The following DTNB variants were observed in gnomAD, a reference collection of about 807,000 sequenced individuals.
DTNB encodes DTN-B.
A neutral mutation model predicts 90.7 loss-of-function variants in DTNB; 63 were observed. That is an observed-to-expected ratio of 0.69 (90% CI 0.57 to 0.86). The LOEUF (loss-of-function observed/expected upper bound fraction) is 0.86. Ranked by LOEUF, DTNB falls within the 40% of genes least tolerant of loss-of-function variation. DTNB has a pLI of 0.00. For synonymous variants in DTNB, 277 were observed against 286.7 expected, an observed-to-expected ratio of 0.97 and a Z score of 0.34; for missense variants, 744 against 807.1, an observed-to-expected ratio of 0.92 and a Z score of 0.95.
chr2:25,539,161 C>T (rs1255693209), intron 8 of DTNB, among the ~76,000 whole-genome samples: 2 of 152,096 alleles, frequency 1.3e-5, no homozygotes, highest in African/African-American at 4.8e-5. Flanking sequence ...TGCTGACAAA[C>T]ATTTGGGGTG....
At chr2:25,399,532 T>G (rs1169522672) in intron 16 of DTNB, 1 of 151,838 alleles carries the variant, frequency 6.6e-6, no homozygotes, top group Non-Finnish European at 1.5e-5. Flanking sequence ...TTAGTAGAGA[T>G]GGAGTTTTGC....
chr2:25,453,466 G>A (rs115042761), intron 11 of DTNB, among the ~76,000 whole-genome samples: 1,524 of 152,240 alleles, frequency 0.01, 38 homozygotes, highest in Admixed American at 0.037. Flanking sequence ...AAGTCATGTA[G>A]TACTCACTCA....
intron 7 of DTNB, among the ~76,000 whole-genome samples, chr2:25,578,514 T>C (rs372764049): frequency 6.6e-6 from 1 of 152,228 alleles, no homozygotes; most frequent in Admixed American, 6.5e-5. Context: ...ACCAAATACA[T>C]TCTGATAATT....
At chr2:25,530,184 G>A (rs143880000) in intron 9 of DTNB, among the ~76,000 whole-genome samples, 1,807 of 152,100 alleles carry the variant, frequency 0.012, 39 homozygotes, top group African/African-American at 0.041. Context: ...GCCTGTAATC[G>A]CAGCACTTTG....
At chr2:25,520,562 A>G (rs1402143555) in intron 9 of DTNB, among the ~76,000 whole-genome samples, 1 of 152,234 alleles carries the variant, frequency 6.6e-6, no homozygotes, top group African/African-American at 2.4e-5. Context: ...ACAGGGTTAC[A>G]AATGGTCTTA....
In DTNB at chr2:25,596,230, G is replaced by C; in HGVS notation, c.459C>G (p.Ser153=). ...TTAAGCCATTGGAATCTGACATCTG[G>C]GAGAAAACATCTATGAGAACAAAAC... ...KMLDKLRYVF[S]QMSDSNGLMI... is the part of the protein sequence containing the mutation. Residue 153 remains serine (S), a synonymous_variant, in exon 6 of 21, where the codon TCC becomes TCG. Transcript: ENST00000406818. 1 of 1,604,974 alleles carries C rather than the reference G, an allele frequency of 6.2e-7. No individual in the cohort carries two copies. The highest frequency in any genetic ancestry group is 8.5e-7 in the Non-Finnish European group (1 of 1,176,568).
intron 8 of DTNB, among the ~76,000 whole-genome samples, chr2:25,551,010 G>T (rs1168136602): frequency 2.0e-5 from 3 of 152,192 alleles, no homozygotes; most frequent in Non-Finnish European, 4.4e-5. Flanking sequence ...GCTCCTATTA[G>T]ATAAATAATG....
chr2:25,430,699 G>A (rs908502374), intron 14 of DTNB, among the ~76,000 whole-genome samples: 6 of 152,186 alleles, frequency 3.9e-5, no homozygotes, highest in Non-Finnish European at 8.8e-5. Flanking sequence ...CTGGATAGGC[G>A]TTCACCCAGT....
At chr2:25,502,385 T>G (rs1012080803) in intron 9 of DTNB, among the ~76,000 whole-genome samples, 11 of 152,064 alleles carry the variant, frequency 7.2e-5, no homozygotes, top group African/African-American at 2.7e-4. Flanking sequence ...GAAACCATCA[T>G]TTAAGACTAA....
At chr2:25,463,464 C>A (rs1558634153) in intron 10 of DTNB, among the ~76,000 whole-genome samples, 3 of 152,196 alleles carry the variant, frequency 2.0e-5, no homozygotes, top group Non-Finnish European at 4.4e-5. Context: ...GTTGATTCTC[C>A]ACGCTGCAAT....
intron 12 of DTNB, among the ~76,000 whole-genome samples, chr2:25,448,138 C>G (rs1278858617): frequency 6.6e-6 from 1 of 152,228 alleles, no homozygotes; most frequent in African/African-American, 2.4e-5. Flanking sequence ...CTCTACACTT[C>G]CACAGCTCCC....
chr2:25,392,364 C>A (rs922052066), intron 16 of DTNB, among the ~76,000 whole-genome samples: 15 of 152,100 alleles, frequency 9.9e-5, no homozygotes, highest in African/African-American at 3.6e-4. Flanking sequence ...GAGCTGAGAT[C>A]ACACCACTGT....
chr2:25,453,955 G>A (rs934454441), intron 11 of DTNB, among the ~76,000 whole-genome samples: 2 of 152,156 alleles, frequency 1.3e-5, no homozygotes, highest in Non-Finnish European at 2.9e-5. Context: ...GGACCATCCT[G>A]GCTAACACAG....
chr2:25,391,071 T>G (rs976807259), intron 16 of DTNB, among the ~76,000 whole-genome samples: 2 of 151,928 alleles, frequency 1.3e-5, no homozygotes, highest in African/African-American at 2.4e-5. Flanking sequence ...TAATTTTTTG[T>G]ATTTTTCGTA....
intron 16 of DTNB, among the ~76,000 whole-genome samples, chr2:25,397,299 C>T (rs1040363103): frequency 2.0e-5 from 3 of 148,142 alleles, no homozygotes; most frequent in East Asian, 4.0e-4. Flanking sequence ...GATAGCGCCA[C>T]TGCACTCCAG....
At chr2:25,635,685 T>C (rs957273491) in intron 3 of DTNB, among the ~76,000 whole-genome samples, 1 of 151,756 alleles carries the variant, frequency 6.6e-6, no homozygotes, top group African/African-American at 2.4e-5. Context: ...AAAAAAGAAA[T>C]GAATAAAAAA....
chr2:25,457,160 C>A (rs767439411), intron 10 of DTNB, among the ~76,000 whole-genome samples: 2 of 152,106 alleles, frequency 1.3e-5, no homozygotes, highest in Non-Finnish European at 2.9e-5. Flanking sequence ...TAGGCGTGCG[C>A]CACCACGCCC....
At chr2:25,589,099 G>C (rs1401688652) in intron 6 of DTNB, among the ~76,000 whole-genome samples, 1 of 152,178 alleles carries the variant, frequency 6.6e-6, no homozygotes, top group Admixed American at 6.5e-5. Context: ...TACATAGCTG[G>C]AGAGAATATT....
chr2:25,402,513 C>T (rs528808280), intron 16 of DTNB, among the ~76,000 whole-genome samples: 146 of 151,922 alleles, frequency 9.6e-4, no homozygotes, highest in Non-Finnish European at 1.6e-3. Context: ...ATGAACTTGG[C>T]TTCTAGACAC....
Sources: allele counts gnomAD v4.1 joint callset (sites outside exome capture counted in the v4.1 genomes callset), GRCh38; gene constraint gnomAD v4.1.1; transcripts MANE v1.5; gene names NCBI Gene and HGNC (gene_info 2026-07-23, HGNC 2026-07-21).